Variants in TRIM44 observed in about 807,000 individuals in gnomAD.
TRIM44 encodes the protein tripartite motif-containing protein 44.
In TRIM44, 13 loss-of-function variants were observed where a neutral mutation model predicts 37.4. That is an observed-to-expected ratio of 0.35 (90% CI 0.23 to 0.55). TRIM44 has a LOEUF of 0.55. Among genes scored for constraint, TRIM44 ranks in the 20% least tolerant of loss-of-function variants. The pLI, the probability that TRIM44 is intolerant of heterozygous loss-of-function variation, is 0.89. For missense variants in TRIM44, 426 were observed against 437.2 expected, an observed-to-expected ratio of 0.97 and a Z score of 0.23; for synonymous variants, 175 against 157.2, an observed-to-expected ratio of 1.11 and a Z score of -0.85.
intron 4 of TRIM44, among the ~76,000 whole-genome samples, chr11:35,772,331 G>A (rs2133866436): frequency 6.6e-6 from 1 of 152,328 alleles, no homozygotes; most frequent in East Asian, 1.9e-4. Context: ...AGTCCCTACT[G>A]GGGCACTGCC....
chr11:35,775,851 G>A (rs1565018137), intron 4 of TRIM44, among the ~76,000 whole-genome samples: 1 of 152,194 alleles, frequency 6.6e-6, no homozygotes, highest in African/African-American at 2.4e-5. Flanking sequence ...GCTTTTTGAT[G>A]TGCTGCTGGA....
At chr11:35,751,052 G>A (rs996275812) in intron 4 of TRIM44, among the ~76,000 whole-genome samples, 7 of 151,798 alleles carry the variant, frequency 4.6e-5, no homozygotes, top group Non-Finnish European at 7.4e-5. Context: ...TAATAACAAC[G>A]CAGTGGTACC....
chr11:35,756,934 C>T (rs1411502264), intron 4 of TRIM44, among the ~76,000 whole-genome samples: 3 of 152,084 alleles, frequency 2.0e-5, no homozygotes, highest in Non-Finnish European at 2.9e-5. Flanking sequence ...ATTTTGGCGT[C>T]GATGTTCATC....
chr11:35,736,604 C>G (rs191912638), intron 4 of TRIM44, among the ~76,000 whole-genome samples: 1 of 152,118 alleles, frequency 6.6e-6, no homozygotes, highest in Non-Finnish European at 1.5e-5. Context: ...CAAATGTTGT[C>G]CCACATCTGC....
chr11:35,662,907 A>G lies in TRIM44; in HGVS notation c.-205A>G. 1.2e-6 allele frequency: 1 copy of G among 821,924 alleles called. No homozygotes were observed. The highest frequency in any genetic ancestry group is 1.7e-6 in the Non-Finnish European group (1 of 593,258). 50.9% of individuals were successfully genotyped at this position (821,924 alleles called of 1,614,324 possible). On this transcript the variant is annotated 5_prime_UTR_variant, in exon 1 of 5. Transcript: ENST00000299413. The stretch of plus-strand genomic sequence containing the variant: ...AGGAAGCGCAGGGACAGAGCGGAGC[A>G]GGCCGAGCCGGCGGAAAGGGTCTTT...
chr11:35,779,559 G>A (rs1415079571), intron 4 of TRIM44, among the ~76,000 whole-genome samples: 2 of 152,120 alleles, frequency 1.3e-5, no homozygotes, highest in Non-Finnish European at 2.9e-5. Flanking sequence ...TTCCTATTCA[G>A]CCATCCCCTC....
At chr11:35,705,245 C>T (rs1183760646) in intron 2 of TRIM44, among the ~76,000 whole-genome samples, 1 of 151,856 alleles carries the variant, frequency 6.6e-6, no homozygotes, top group Non-Finnish European at 1.5e-5. Flanking sequence ...AATACAGGAG[C>T]ACCCAGATTC....
intron 4 of TRIM44, among the ~76,000 whole-genome samples, chr11:35,782,993 A>G (rs1853085332): frequency 6.6e-6 from 1 of 152,222 alleles, no homozygotes; most frequent in South Asian, 2.1e-4. Flanking sequence ...TAAAATCACA[A>G]AGCTGAACAT....
chr11:35,759,758 C>A (rs1798923316), intron 4 of TRIM44, among the ~76,000 whole-genome samples: 1 of 152,162 alleles, frequency 6.6e-6, no homozygotes, highest in Non-Finnish European at 1.5e-5. Context: ...TCCTGGAGGT[C>A]CACTCCAGAC....
At chr11:35,762,046 C>T (rs1328390063) in intron 4 of TRIM44, among the ~76,000 whole-genome samples, 3 of 152,132 alleles carry the variant, frequency 2.0e-5, no homozygotes, top group African/African-American at 7.2e-5. Flanking sequence ...ATGGCAGTGG[C>T]TGCCCTTTCA....
In TRIM44 at chr11:35,663,398, G is replaced by GGGAAGAGAGTGAGTCGGA; in HGVS notation, c.297_314dup (p.Ser107_Glu112dup). On this transcript the variant is annotated inframe_insertion, in exon 1 of 5. Coordinates refer to ENST00000299413, the MANE Select transcript of TRIM44 (RefSeq NM_017583.6). Reference sequence around the variant, plus strand: ...GAGAGGGAGATAGAAAGCGAGGCAGGGGAAGAGAGTGAGTCGGAGGAAGAG... The same window carrying GGGAAGAGAGTGAGTCGGA: ...GAGAGGGAGATAGAAAGCGAGGCAGGGGAAGAGAGTGAGTCGGAGGAAGAGAGTGAGTCGGAGGAAGAG... 1.2e-6 allele frequency: 2 copies of GGGAAGAGAGTGAGTCGGA among 1,600,534 alleles called. No individual in the cohort carries two copies. Among genetic ancestry groups the GGGAAGAGAGTGAGTCGGA allele is most frequent in the South Asian group, 1.1e-5 (1 of 89,804 alleles).
intron 2 of TRIM44, among the ~76,000 whole-genome samples, chr11:35,693,885 A>G (rs1851665281): frequency 6.6e-6 from 1 of 152,166 alleles, no homozygotes; most frequent in Admixed American, 6.6e-5. Context: ...GTTGGAAAGA[A>G]TAGAGTGCGC....
intron 1 of TRIM44, among the ~76,000 whole-genome samples, chr11:35,670,907 G>A (rs1381341747): frequency 6.6e-6 from 1 of 152,182 alleles, no homozygotes; most frequent in Non-Finnish European, 1.5e-5. Flanking sequence ...ATTTTGATTC[G>A]ATAAAGATAT....
chr11:35,771,293 G>A (rs750534059), intron 4 of TRIM44, among the ~76,000 whole-genome samples: 4 of 152,108 alleles, frequency 2.6e-5, no homozygotes, highest in Non-Finnish European at 4.4e-5. Context: ...TTATGTTTTC[G>A]CAAAAAGACT....
At chr11:35,749,759 T>G (rs1852539111) in intron 4 of TRIM44, among the ~76,000 whole-genome samples, 1 of 152,244 alleles carries the variant, frequency 6.6e-6, no homozygotes, top group Non-Finnish European at 1.5e-5. Context: ...TTCCAGAGGT[T>G]TGACAAACTA....
chr11:35,738,912 A>G (rs1852358188), intron 4 of TRIM44, among the ~76,000 whole-genome samples: 1 of 152,192 alleles, frequency 6.6e-6, no homozygotes, highest in South Asian at 2.1e-4. Flanking sequence ...TAGAAGTTCA[A>G]AGAGAATTAG....
At chr11:35,799,821 A>G (rs949333072) in intron 4 of TRIM44, among the ~76,000 whole-genome samples, 1 of 152,198 alleles carries the variant, frequency 6.6e-6, no homozygotes, top group African/African-American at 2.4e-5. Context: ...CCATTACTGA[A>G]AGAGAGAAGG....
intron 4 of TRIM44, among the ~76,000 whole-genome samples, chr11:35,799,926 C>CT (rs1025246334): frequency 1.3e-5 from 2 of 152,142 alleles, no homozygotes; most frequent in Admixed American, 6.6e-5. Context: ...CGAAGTCAAA[C>CT]TTTTTTTAAG....
At chr11:35,732,707 G>A (rs1852277436) in intron 3 of TRIM44, among the ~76,000 whole-genome samples, 1 of 152,178 alleles carries the variant, frequency 6.6e-6, no homozygotes, top group Non-Finnish European at 1.5e-5. Flanking sequence ...GAAGTTTCGA[G>A]TAAGGCTTGA....
Sources: gnomAD v4.1 joint callset for allele counts (sites outside exome capture counted in the v4.1 genomes callset) on GRCh38, gnomAD v4.1.1 for gene constraint, MANE v1.5 for transcripts, NCBI Gene and HGNC (gene_info 2026-07-23, HGNC 2026-07-21) for gene names.